The following TAF9B variants were observed in gnomAD, a reference collection of about 807,000 sequenced individuals.
TAF9B encodes transcription initiation factor TFIID subunit 9B.
In TAF9B, 47 loss-of-function variants were observed where a neutral mutation model predicts 17.6. That is an observed-to-expected ratio of 2.68 (90% CI 2.12 to 3.41). The LOEUF is 3.41. Among genes scored for constraint, TAF9B ranks in the 30% most tolerant of loss-of-function variants. The probability of loss-of-function intolerance (pLI) is 0.00; values close to 1 mark genes in which losing one functional copy is unlikely to be tolerated. For synonymous variants in TAF9B, 84 were observed against 68.7 expected, an observed-to-expected ratio of 1.22 and a Z score of -1.10; for missense variants, 218 against 189.3, an observed-to-expected ratio of 1.15 and a Z score of -0.89.
rs1557250259 is a variant in TAF9B, at chrX:78,138,028, T to C, written c.204A>G (p.Ala68=). The C allele has an allele frequency of 8.3e-7, 1 of 1,209,780 alleles. No individual in the cohort carries two copies. The highest frequency in any genetic ancestry group is 1.8e-5 in the South Asian group (1 of 56,655). ...ACTGGATTGCCAGTCTCACATCATC[T>C]GCATCAACATTAGGTTTCTTAGCAT... ...SSHAKKPNVD[A]DDVRLAIQCR... is the part of the protein sequence containing the mutation. Residue 68 remains alanine, a synonymous_variant, in exon 3 of 7, where the codon GCA becomes GCG. Coordinates refer to ENST00000341864, the MANE Select transcript of TAF9B (RefSeq NM_015975.5).
intron 1 of TAF9B, 95 bp downstream of exon 1, chrX:78,139,466 G>A (rs936649213): frequency 1.8e-6 from 2 of 1,139,238 alleles, no homozygotes; most frequent in Non-Finnish European, 1.2e-6. Flanking sequence ...TGAAACGAGC[G>A]TGCGAGCCGA....
In TAF9B at chrX:78,132,610, C is replaced by CTGTG. The variant is rs201863850; in HGVS notation, c.592+724_592+727dup. 7.3e-3 allele frequency among the ~76,000 whole-genome samples: 702 copies of CTGTG among 96,269 alleles called. 7 individuals are homozygous for CTGTG. Among genetic ancestry groups the CTGTG allele is most frequent in the East Asian group, 0.03 (88 of 2,972 alleles). 83.6% of individuals were successfully genotyped at this position (96,269 alleles called of 115,157 possible). A position where few individuals can be genotyped will look rare whatever the true frequency, so the allele number is the denominator to read the frequency against. ...GCTATGACAGAATTCTTATTCCAAT[C>CTGTG]TGTGTGTGTGTGTGTGTGTGTGTGT... is the stretch of plus-strand genomic sequence containing the variant. On this transcript the variant is annotated intron_variant, in intron 6 of 6. Coordinates refer to ENST00000341864, the MANE Select transcript of TAF9B (RefSeq NM_015975.5).
chrX:78,132,911 TGTG>T (rs1416662442), intron 6 of TAF9B, among the ~76,000 whole-genome samples: 21 of 110,831 alleles, frequency 1.9e-4, no homozygotes, highest in African/African-American at 6.6e-4. Context: ...TTCAGCTACT[TGTG>T]GTCAACTGCG....
chrX:78,132,889 C>A (rs192834380), intron 6 of TAF9B, among the ~76,000 whole-genome samples: 1 of 110,579 alleles, frequency 9.0e-6, no homozygotes, highest in African/African-American at 3.3e-5. Context: ...GTAGTCCCCC[C>A]TTATCTGCAG....
intron 5 of TAF9B, among the ~76,000 whole-genome samples, chrX:78,134,629 A>G (rs1312567084): frequency 9.0e-6 from 1 of 111,503 alleles, no homozygotes; most frequent in Non-Finnish European, 1.9e-5. Context: ...AGGTACTGAG[A>G]AATCCGGGTT....
At chrX:78,132,491 T>A (rs1188961608) in intron 6 of TAF9B, among the ~76,000 whole-genome samples, 1 of 111,453 alleles carries the variant, frequency 9.0e-6, no homozygotes, top group Non-Finnish European at 1.9e-5. Context: ...CAGGAATCAC[T>A]TCCCTAATAG....
intron 2 of TAF9B, among the ~76,000 whole-genome samples, chrX:78,138,486 C>G (rs1379492540): frequency 8.9e-6 from 1 of 112,798 alleles, no homozygotes; most frequent in Admixed American, 9.3e-5. Flanking sequence ...AGGCTGGGTG[C>G]GGTGGCTCAC....
chrX:78,136,779 G>T, intron 5 of TAF9B, 136 bp downstream of exon 5: 1 of 397,947 alleles, frequency 2.5e-6, no homozygotes, highest in Non-Finnish European at 4.4e-6. Flanking sequence ...AGCTTTACTA[G>T]AGGATGAGTA....
chrX:78,131,576 C>G lies in TAF9B; in HGVS notation c.*34G>C. 8.5e-7 allele frequency: 1 copy of G among 1,169,723 alleles called. No individual in the cohort carries two copies. Among genetic ancestry groups the G allele is most frequent in the Non-Finnish European group, 1.2e-6 (1 of 866,800 alleles). On this transcript the variant is annotated 3_prime_UTR_variant, in exon 7 of 7. Coordinates refer to ENST00000341864, the MANE Select transcript of TAF9B (RefSeq NM_015975.5). ...GTATACTGGGCTCAAAACCAACTTTCCTTTTGAAATGCATCTAGACTAGAC... is the reference window on the plus strand; with the variant it reads ...GTATACTGGGCTCAAAACCAACTTTGCTTTTGAAATGCATCTAGACTAGAC...
Position 78,137,775 on chromosome X carries a change from A to G in TAF9B, c.379T>C (p.Tyr127His). 8.3e-7 allele frequency: 1 copy of G among 1,198,903 alleles called. No individual in the cohort carries two copies. Residue 127 changes from tyrosine to histidine, a missense_variant, in exon 4 of 7, where the codon TAT becomes CAT. Tyr to His is a moderately conservative substitution (Grantham distance 83, BLOSUM62 2). Transcript: ENST00000341864. ...TTTTTAATTAAGGACTTCAGCCTATAGTTTGGAGCTGTTAAGCAGTATCTA... is the reference window on the plus strand; with the variant it reads ...TTTTTAATTAAGGACTTCAGCCTATGGTTTGGAGCTGTTAAGCAGTATCTA... Reference protein sequence around the residue: ...PDRYCLTAPNYRLKSLIKKGP... With the variant: ...PDRYCLTAPNHRLKSLIKKGP...
At position 78,131,628 on chromosome X, in the gene TAF9B, A is replaced by T; in HGVS notation, c.738T>A (p.Asp246Glu). ...ATATTCCTTACATAATATCATTGTC[A>T]TCATCATCTTCATGTTTTCTCTTCA... ...NPLKRKHEDD[D>E]DNDIM is the part of the protein sequence containing the mutation. The change falls in exon 7 of 7, where the codon GAT becomes GAA. Residue 246 changes from aspartate to glutamate, a missense_variant. By Grantham distance (45) the Asp-to-Glu change is conservative. Transcript: ENST00000341864. The T allele has an allele frequency of 8.3e-7, 1 of 1,210,482 alleles. No individual in the cohort carries two copies. The highest frequency in any genetic ancestry group is 1.8e-5 in the South Asian group (1 of 56,838).
rs782131329 is a variant in TAF9B, at chrX:78,131,587, G to A, written c.*23C>T. 2 of 1,176,106 alleles carry A rather than the reference G, an allele frequency of 1.7e-6. No individual in the cohort carries two copies. The highest frequency in any genetic ancestry group is 1.8e-5 in the African/African-American group (1 of 56,405). On this transcript the variant is annotated 3_prime_UTR_variant, in exon 7 of 7. Transcript: ENST00000341864. ...TCAAAACCAACTTTCCTTTTGAAAT[G>A]CATCTAGACTAGACTATATTCCTTA...
rs782548047 is a variant in TAF9B, at chrX:78,137,773, A to G, written c.381T>C (p.Tyr127=). 1 of 1,198,141 alleles carries G rather than the reference A, an allele frequency of 8.3e-7. No homozygotes were observed. Among genetic ancestry groups the G allele is most frequent in the Non-Finnish European group, 1.1e-6 (1 of 892,032 alleles). The change falls in exon 4 of 7, where the codon TAT becomes TAC. Residue 127 remains tyrosine (Y), a synonymous_variant. Coordinates refer to ENST00000341864, the MANE Select transcript of TAF9B (RefSeq NM_015975.5). The part of the protein sequence containing the change: ...PDRYCLTAPN[Y]RLKSLIKKGP... ...CCTTTTTAATTAAGGACTTCAGCCT[A>G]TAGTTTGGAGCTGTTAAGCAGTATC...
chrX:78,138,378 C>T (rs1557250305), intron 2 of TAF9B, among the ~76,000 whole-genome samples: 2 of 112,729 alleles, frequency 1.8e-5, no homozygotes, highest in East Asian at 5.5e-4. Flanking sequence ...ACAGATATCA[C>T]AGTGTGAATA....
At chrX:78,139,063 G>C in intron 1 of TAF9B, 139 bp from the exon 2 acceptor site, 1 of 464,571 alleles carries the variant, frequency 2.2e-6, no homozygotes, top group Non-Finnish European at 3.6e-6. Flanking sequence ...GCCCTCCCAA[G>C]TGAGTCAGTG....
intron 2 of TAF9B, 67 bp downstream of exon 2, chrX:78,138,776 T>G: frequency 1.1e-6 from 1 of 880,023 alleles, no homozygotes; most frequent in Non-Finnish European, 1.7e-6. Context: ...AAAGAAAATG[T>G]TCTTACAATA....
rs2149139622 is a variant in TAF9B at position 78,131,151 on chromosome X, C to T, written c.*459G>A. 1 of 100,241 alleles carries T rather than the reference C, an allele frequency of 1.0e-5. No individual in the cohort carries two copies. The highest frequency in any genetic ancestry group is 3.8e-5 in the African/African-American group (1 of 26,207). The allele number at this position is 100,241 out of a possible 1,213,427, so 8.3% of individuals were successfully genotyped here. A position where few individuals can be genotyped will look rare whatever the true frequency, so the allele number is the denominator to read the frequency against. On this transcript the variant is annotated 3_prime_UTR_variant, in exon 7 of 7. Transcript: ENST00000341864. Reference sequence around the variant, plus strand: ...ATCTCTCCTCTAAATCCATCCTTTCCAAAAAATGTTTCCTATATTGAGAGA... The same window carrying T: ...ATCTCTCCTCTAAATCCATCCTTTCTAAAAAATGTTTCCTATATTGAGAGA...
intron 4 of TAF9B, 54 bp from the exon 5 acceptor site, chrX:78,137,044 G>A: frequency 3.3e-6 from 3 of 895,689 alleles, no homozygotes; most frequent in Non-Finnish European, 4.9e-6. Flanking sequence ...AAATTTACCA[G>A]GAATGAAATT....
In TAF9B at chrX:78,131,522, T is replaced by C; in HGVS notation, c.*88A>G. On this transcript the variant is annotated 3_prime_UTR_variant, in exon 7 of 7. Transcript: ENST00000341864. The stretch of plus-strand genomic sequence containing the variant: ...GCAGCTACATTTCAGTCTTTTAAGG[T>C]AAAACAAGATCTAGAATATTCTAGT... 1.2e-6 allele frequency: 1 copy of C among 845,152 alleles called. No individual in the cohort carries two copies. The highest frequency in any genetic ancestry group is 1.6e-6 in the Non-Finnish European group (1 of 606,559). The allele number at this position is 845,152 out of a possible 1,213,427, so 69.7% of individuals were successfully genotyped here. A position where few individuals can be genotyped will look rare whatever the true frequency, so the allele number is the denominator to read the frequency against.
Sources: allele counts gnomAD v4.1 joint callset (sites outside exome capture counted in the v4.1 genomes callset), GRCh38; gene constraint gnomAD v4.1.1; transcripts MANE v1.5; gene names NCBI Gene and HGNC (gene_info 2026-07-23, HGNC 2026-07-21).